Variants in PPM1B observed in about 807,000 individuals in gnomAD.
PPM1B encodes the protein protein phosphatase, Mg2+/Mn2+ dependent 1B, also known as protein phosphatase 1B.
A neutral mutation model predicts 43.0 loss-of-function variants in PPM1B; 22 were observed. The observed-to-expected ratio is 0.51, with a 90% confidence interval of 0.37 to 0.73. The LOEUF (loss-of-function observed/expected upper bound fraction) is 0.73, where lower values mean the gene tolerates loss of function less well. Ranked by LOEUF, PPM1B falls within the 30% of genes least tolerant of loss-of-function variation. The pLI, the probability that PPM1B is intolerant of heterozygous loss-of-function variation, is 0.00. For missense variants in PPM1B, 632 were observed against 584.2 expected (o/e 1.08, Z -0.84); for synonymous variants, 217 against 197.9 (o/e 1.10, Z -0.81).
chr2:44,171,286 T>G (rs1322090089), intron 1 of PPM1B, among the ~76,000 whole-genome samples: 2 of 152,218 alleles, frequency 1.3e-5, no homozygotes, highest in African/African-American at 4.8e-5. Context: ...TTCACCTAAT[T>G]ACTAAATTCC....
chr2:44,234,692 T>C (rs1260149072), downstream of PPM1B: 1 of 811,222 alleles, frequency 1.2e-6, no homozygotes, highest in Non-Finnish European at 1.5e-6. Context: ...GAGGACCCAC[T>C]TATACTCTTA....
intron 3 of PPM1B, among the ~76,000 whole-genome samples, chr2:44,210,596 A>G (rs923170560): frequency 6.6e-6 from 1 of 152,004 alleles, no homozygotes; most frequent in Non-Finnish European, 1.5e-5. Context: ...CTTTACCTAG[A>G]TTCCTTATTT....
At chr2:44,214,236 T>A (rs944614407) in intron 3 of PPM1B, among the ~76,000 whole-genome samples, 1 of 152,114 alleles carries the variant, frequency 6.6e-6, no homozygotes, top group African/African-American at 2.4e-5. Context: ...CCCGCCACCA[T>A]GCCTGGCTAA....
At chr2:44,246,852 GTTTT>G (rs1394559000), downstream of PPM1B, among the ~76,000 whole-genome samples, 2 of 151,914 alleles carry the variant, frequency 1.3e-5, no homozygotes, top group Non-Finnish European at 2.9e-5. Flanking sequence ...TTTTATTGTT[GTTTT>G]ATTATTTTTA....
At chr2:44,230,270 A>G in intron 5 of PPM1B, 143 bp from the exon 6 acceptor site, 2 of 1,473,504 alleles carry the variant, frequency 1.4e-6, no homozygotes, top group Non-Finnish European at 1.8e-6. Context: ...TACAGGTAAG[A>G]ATTGATATTT....
chr2:44,209,481 G>A, intron 3 of PPM1B, 154 bp downstream of exon 3: 1 of 913,686 alleles, frequency 1.1e-6, no homozygotes, highest in Non-Finnish European at 1.6e-6. Context: ...TTTATCAAAT[G>A]ATTATTTTAA....
intron 1 of PPM1B, among the ~76,000 whole-genome samples, chr2:44,173,067 C>T (rs1667424051): frequency 1.3e-5 from 2 of 152,340 alleles, no homozygotes; most frequent in African/African-American, 4.8e-5. Flanking sequence ...ATAATCCCAG[C>T]ACTTTGGGAA....
intron 2 of PPM1B, among the ~76,000 whole-genome samples, 156 bp downstream of exon 2, chr2:44,202,201 G>A (rs1668971883): frequency 6.6e-6 from 1 of 152,030 alleles, no homozygotes; most frequent in African/African-American, 2.4e-5. Context: ...TGTTTTCTTT[G>A]CCATCCTTGT....
downstream of PPM1B, chr2:44,234,095 T>C: frequency 1.0e-6 from 1 of 967,978 alleles, no homozygotes; most frequent in Non-Finnish European, 1.2e-6. Flanking sequence ...GATTCAGTTT[T>C]TAATGTTATT....
chr2:44,218,932 T>C (rs1669850201), intron 5 of PPM1B: 1 of 455,160 alleles, frequency 2.2e-6, no homozygotes, highest in African/African-American at 2.0e-5. Flanking sequence ...TGAGTTGTTA[T>C]TTTAATAACT....
chr2:44,209,569 C>G (rs1002017368), intron 3 of PPM1B: 12 of 365,260 alleles, frequency 3.3e-5, no homozygotes, highest in Non-Finnish European at 5.5e-5. Flanking sequence ...ATCATGAGGT[C>G]AGATCGACAC....
In PPM1B at chr2:44,231,418, G is replaced by A. The variant is rs1670464804; in HGVS notation, c.*700G>A. 2.1e-6 allele frequency: 2 copies of A among 974,774 alleles called. No homozygotes were observed. Among genetic ancestry groups the A allele is most frequent in the Admixed American group, 6.2e-5 (1 of 16,240 alleles). 60.4% of individuals were successfully genotyped at this position (974,774 alleles called of 1,614,324 possible). A position where few individuals can be genotyped will look rare whatever the true frequency, so the allele number is the denominator to read the frequency against. Reference sequence around the variant, plus strand: ...AAAATGTATGTCAACCAAGTGTTTAGAATGAAATTATAAGTGTTTAAGTCC... The same window carrying A: ...AAAATGTATGTCAACCAAGTGTTTAAAATGAAATTATAAGTGTTTAAGTCC... On this transcript the variant is annotated 3_prime_UTR_variant, in exon 6 of 6. Transcript: ENST00000282412.
chr2:44,182,750 CT>C (rs907630494), intron 1 of PPM1B, among the ~76,000 whole-genome samples: 61 of 152,146 alleles, frequency 4.0e-4, no homozygotes, highest in Middle Eastern at 3.4e-3. Flanking sequence ...ATTTTTCATA[CT>C]TTTTTTCTTT....
At chr2:44,218,265 A>C (rs776374010) in intron 4 of PPM1B, among the ~76,000 whole-genome samples, 187 bp downstream of exon 4, 1 of 152,176 alleles carries the variant, frequency 6.6e-6, no homozygotes, top group African/African-American at 2.4e-5. Context: ...TATCTATCAT[A>C]CTCTTTGAGT....
downstream of PPM1B, among the ~76,000 whole-genome samples, chr2:44,235,406 C>G (rs1391049408): frequency 6.6e-6 from 1 of 152,020 alleles, no homozygotes; most frequent in African/African-American, 2.4e-5. Context: ...GAGTTTGAGA[C>G]CAGCCTGACC....
downstream of PPM1B, among the ~76,000 whole-genome samples, chr2:44,239,277 ATATT>A (rs924831111): frequency 2.6e-5 from 4 of 151,378 alleles, no homozygotes; most frequent in African/African-American, 9.7e-5. Flanking sequence ...TTTCCTATAT[ATATT>A]GGCCATTTGA....
At chr2:44,235,936 CAA>C (rs763605930), downstream of PPM1B, among the ~76,000 whole-genome samples, 111 of 151,878 alleles carry the variant, frequency 7.3e-4, 1 homozygote, top group East Asian at 0.021. Context: ...AAAAAAAACT[CAA>C]ATTTTAAAAT....
chr2:44,235,255 T>C (rs902813755), downstream of PPM1B, among the ~76,000 whole-genome samples: 1 of 152,248 alleles, frequency 6.6e-6, no homozygotes, highest in Non-Finnish European at 1.5e-5. Context: ...AAATACTGGT[T>C]CACTGAATTA....
chr2:44,213,683 A>G (rs1264119708), intron 3 of PPM1B: 1 of 152,196 alleles, frequency 6.6e-6, no homozygotes, highest in East Asian at 1.9e-4. Flanking sequence ...CCCTAAATTA[A>G]TCTTGTTTTT....
Sources: gnomAD v4.1 joint callset for allele counts (sites outside exome capture counted in the v4.1 genomes callset) on GRCh38, gnomAD v4.1.1 for gene constraint, MANE v1.5 for transcripts, NCBI Gene and HGNC (gene_info 2026-07-23, HGNC 2026-07-21) for gene names.